The following KCNH8 variants were observed in gnomAD, a reference collection of about 807,000 sequenced individuals.
The protein encoded by KCNH8 is potassium voltage-gated channel subfamily H member 8.
KCNH8 carries 70 observed loss-of-function variants against 103.6 expected under a neutral mutation model. That is an observed-to-expected ratio of 0.68 (90% CI 0.56 to 0.82). The LOEUF is 0.82. Among genes scored for constraint, KCNH8 ranks in the 40% least tolerant of loss-of-function variants. The pLI is 0.00. For synonymous variants in KCNH8, 498 were observed against 489.4 expected (o/e 1.02, Z -0.23); for missense variants, 1,217 against 1,329.9 (o/e 0.92, Z 1.32).
At chr3:19,434,977 T>C (rs1158740919) in intron 7 of KCNH8, among the ~76,000 whole-genome samples, 1 of 152,142 alleles carries the variant, frequency 6.6e-6, no homozygotes, top group Non-Finnish European at 1.5e-5. Flanking sequence ...AAATGAACTC[T>C]TGTATGGTTA....
chr3:19,337,298 C>T (rs970198327), intron 3 of KCNH8, among the ~76,000 whole-genome samples: 3 of 152,050 alleles, frequency 2.0e-5, no homozygotes, highest in Non-Finnish European at 4.4e-5. Context: ...GACAAAGTTC[C>T]TGGCATAATG....
intron 11 of KCNH8, among the ~76,000 whole-genome samples, chr3:19,505,836 A>AT (rs1431788269): frequency 6.6e-6 from 1 of 152,008 alleles, no homozygotes. Context: ...ATAACCTCAT[A>AT]TTTCTCAGAG....
intron 6 of KCNH8, among the ~76,000 whole-genome samples, chr3:19,391,105 T>C (rs2066431013): frequency 6.6e-6 from 1 of 152,110 alleles, no homozygotes; most frequent in Admixed American, 6.6e-5. Flanking sequence ...TAGAGAGGAC[T>C]ATTGAATTTA....
At chr3:19,485,472 T>C (rs571947839) in intron 11 of KCNH8, among the ~76,000 whole-genome samples, 7 of 152,196 alleles carry the variant, frequency 4.6e-5, no homozygotes, top group African/African-American at 1.2e-4. Flanking sequence ...ATGTGAGATG[T>C]AGAAGTACTG....
intron 11 of KCNH8, among the ~76,000 whole-genome samples, chr3:19,503,507 A>T (rs573663235): frequency 6.6e-6 from 1 of 152,342 alleles, no homozygotes; most frequent in East Asian, 1.9e-4. Flanking sequence ...TATCCACAAT[A>T]GCAAAGACTT....
chr3:19,270,882 G>T (rs6783211), intron 2 of KCNH8, among the ~76,000 whole-genome samples: 1 of 151,752 alleles, frequency 6.6e-6, no homozygotes, highest in Non-Finnish European at 1.5e-5. Flanking sequence ...CCAAATTCTC[G>T]TCTCAATATT....
At chr3:19,377,956 T>A (rs75948041) in intron 5 of KCNH8, among the ~76,000 whole-genome samples, 4,185 of 152,326 alleles carry the variant, frequency 0.027, 89 homozygotes, top group Middle Eastern at 0.1. Flanking sequence ...TTATGGGATA[T>A]GAAAATTTAT....
chr3:19,174,465 A>G (rs2063378467), intron 1 of KCNH8, among the ~76,000 whole-genome samples: 1 of 152,222 alleles, frequency 6.6e-6, no homozygotes, highest in Non-Finnish European at 1.5e-5. Context: ...AATAAATAGA[A>G]TGGGGTTAAG....
intron 15 of KCNH8, among the ~76,000 whole-genome samples, chr3:19,522,125 A>T (rs1430340830): frequency 2.0e-5 from 3 of 151,910 alleles, no homozygotes; most frequent in African/African-American, 7.2e-5. Flanking sequence ...ATCCATCTTG[A>T]ATCTTAAACA....
intron 1 of KCNH8, among the ~76,000 whole-genome samples, chr3:19,189,133 T>C (rs977425748): frequency 6.6e-6 from 1 of 152,076 alleles, no homozygotes; most frequent in African/African-American, 2.4e-5. Context: ...AGGTGTCTGG[T>C]TGAAGAAACA....
rs765911308 is a variant in KCNH8 at position 19,450,230 on chromosome 3, C to A, written c.1500C>A (p.Pro500=). 10 of 1,613,540 alleles carry A rather than the reference C, an allele frequency of 6.2e-6. No homozygotes were observed. Among genetic ancestry groups the A allele is most frequent in the Non-Finnish European group, 8.5e-6 (10 of 1,179,754 alleles). ...ATTTCATCCGTGTCCATCACTTGCCCCAACAACTCAAGCAGAGGATGCTCG... is the reference window on the plus strand; with the variant it reads ...ATTTCATCCGTGTCCATCACTTGCCACAACAACTCAAGCAGAGGATGCTCG... ...LKDFIRVHHL[P]QQLKQRMLEY... The change falls in exon 9 of 16, where the codon CCC becomes CCA. Residue 500 remains proline, a synonymous_variant. Coordinates refer to ENST00000328405, the MANE Select transcript of KCNH8 (RefSeq NM_144633.3).
Position 19,513,332 on chromosome 3 carries a change from G to C in KCNH8, c.2435+7G>C. On this transcript the variant is annotated splice_region_variant and intron_variant, in intron 13 of 15. Coordinates refer to ENST00000328405, the MANE Select transcript of KCNH8 (RefSeq NM_144633.3). The stretch of plus-strand genomic sequence containing the variant: ...CCCCAGACCTCAGTCCAAGGTAAGA[G>C]TTCATATCATATAACTTTCTCACGT... The C allele has an allele frequency of 1.3e-6, 2 of 1,572,666 alleles. No homozygotes were observed. The highest frequency in any genetic ancestry group is 1.7e-6 in the Non-Finnish European group (2 of 1,163,132).
chr3:19,221,545 T>A (rs533562709), intron 1 of KCNH8, among the ~76,000 whole-genome samples: 9 of 152,348 alleles, frequency 5.9e-5, no homozygotes, highest in African/African-American at 2.2e-4. Flanking sequence ...TGAATGTTCA[T>A]CTTCACTCCT....
intron 1 of KCNH8, among the ~76,000 whole-genome samples, chr3:19,217,017 A>G (rs914116426): frequency 6.6e-6 from 1 of 152,156 alleles, no homozygotes; most frequent in Non-Finnish European, 1.5e-5. Flanking sequence ...CTTTGAGATC[A>G]TTTCTTCATC....
chr3:19,174,292 T>C (rs879679033), intron 1 of KCNH8, among the ~76,000 whole-genome samples: 4 of 152,192 alleles, frequency 2.6e-5, no homozygotes, highest in Non-Finnish European at 5.9e-5. Flanking sequence ...AGGGATTTTA[T>C]TTTTCTGAAT....
chr3:19,185,317 G>A (rs2063491818), intron 1 of KCNH8, among the ~76,000 whole-genome samples: 1 of 151,806 alleles, frequency 6.6e-6, no homozygotes, highest in African/African-American at 2.4e-5. Flanking sequence ...TAGTCATTCA[G>A]GTGAGTGTAT....
At chr3:19,446,593 A>G (rs1307386118) in intron 8 of KCNH8, among the ~76,000 whole-genome samples, 1 of 151,996 alleles carries the variant, frequency 6.6e-6, no homozygotes, top group African/African-American at 2.4e-5. Flanking sequence ...TTCCAGGGCA[A>G]TGAGGAGGTG....
intron 3 of KCNH8, among the ~76,000 whole-genome samples, chr3:19,315,449 G>T (rs1053744992): frequency 6.6e-6 from 1 of 151,902 alleles, no homozygotes; most frequent in African/African-American, 2.4e-5. Context: ...TGAACTGAGG[G>T]ACTTTTTTTG....
chr3:19,392,120 A>C (rs922806631), intron 6 of KCNH8, among the ~76,000 whole-genome samples: 1 of 150,332 alleles, frequency 6.7e-6, no homozygotes, highest in African/African-American at 2.4e-5. Context: ...TATATATAAC[A>C]TACATTTTTA....
Sources: allele counts gnomAD v4.1 joint callset (sites outside exome capture counted in the v4.1 genomes callset), GRCh38; gene constraint gnomAD v4.1.1; transcripts MANE v1.5; gene names NCBI Gene and HGNC (gene_info 2026-07-23, HGNC 2026-07-21).